GRHL1: variants seen among roughly 807,000 people sequenced by gnomAD.
GRHL1 encodes grainyhead like transcription factor 1, also known as grainyhead-like protein 1 homolog.
Under a neutral mutation model 75.7 loss-of-function variants are expected in GRHL1, and 38 were observed. The observed-to-expected ratio is 0.50, with a 90% CI of 0.39 to 0.66. The LOEUF (loss-of-function observed/expected upper bound fraction) is 0.66, where lower values mean the gene tolerates loss of function less well. Among genes scored for constraint, GRHL1 ranks in the 30% least tolerant of loss-of-function variants. The pLI, the probability that GRHL1 is intolerant of heterozygous loss-of-function variation, is 0.00. For missense variants in GRHL1, 589 were observed against 767.5 expected (o/e 0.77, Z 2.75); for synonymous variants, 266 against 279.4 (o/e 0.95, Z 0.48).
At chr2:9,998,481 C>CGTATATATACGTGTATATACGT (rs1553306830) in intron 14 of GRHL1, among the ~76,000 whole-genome samples, 2 of 3,562 alleles carry the variant, frequency 5.6e-4, no homozygotes, top group Non-Finnish European at 4.6e-4. Flanking sequence ...TATATATATA[C>CGTATATATACGTGTATATACGT]ATATATATAC....
intron 8 of GRHL1, among the ~76,000 whole-genome samples, chr2:9,980,081 T>TG (rs765659086): frequency 3.3e-5 from 5 of 152,160 alleles, no homozygotes; most frequent in Admixed American, 6.5e-5. Context: ...ATAAAATTGA[T>TG]TCTCAGTTAC....
At chr2:9,967,107 G>A (rs1190991060) in intron 8 of GRHL1, among the ~76,000 whole-genome samples, 2 of 152,124 alleles carry the variant, frequency 1.3e-5, no homozygotes, top group African/African-American at 2.4e-5. Context: ...TTTGCCATTG[G>A]GGCCTCACTG....
chr2:9,982,106 G>C (rs1203527984), intron 8 of GRHL1, among the ~76,000 whole-genome samples: 1 of 152,200 alleles, frequency 6.6e-6, no homozygotes, highest in African/African-American at 2.4e-5. Flanking sequence ...CTTTAACCTA[G>C]ATCTTTCTTT....
chr2:9,999,968 T>G (rs1669202316), intron 15 of GRHL1, among the ~76,000 whole-genome samples: 1 of 152,190 alleles, frequency 6.6e-6, no homozygotes, highest in Non-Finnish European at 1.5e-5. Context: ...ATCATGTAAG[T>G]TAGTGTTATT....
chr2:9,997,004 A>G (rs1668891566), intron 14 of GRHL1, among the ~76,000 whole-genome samples: 1 of 152,198 alleles, frequency 6.6e-6, no homozygotes, highest in Non-Finnish European at 1.5e-5. Context: ...GGAAAAACGC[A>G]TGTCATCAGC....
chr2:9,958,936 A>C (rs1667153414), intron 3 of GRHL1, 80 bp downstream of exon 3: 1 of 1,562,786 alleles, frequency 6.4e-7, no homozygotes, highest in Non-Finnish European at 8.7e-7. Context: ...GAGTTTGTTT[A>C]AATGAACAAC....
At chr2:9,978,037 A>C (rs776914000) in intron 8 of GRHL1, among the ~76,000 whole-genome samples, 11 of 152,282 alleles carry the variant, frequency 7.2e-5, no homozygotes, top group Admixed American at 4.6e-4. Context: ...AAACCATCAG[A>C]TCTCATGGGA....
chr2:9,970,280 G>A (rs1667668859), intron 8 of GRHL1, among the ~76,000 whole-genome samples: 1 of 152,228 alleles, frequency 6.6e-6, no homozygotes, highest in Non-Finnish European at 1.5e-5. Flanking sequence ...TTTAAAAATA[G>A]TTAACAGCAA....
At position 9,969,356 on chromosome 2, in the gene GRHL1, C is replaced by G. The variant is rs375036120; in HGVS notation, c.1110+3975C>G. ...GCACCCATAAAAAGCACCCAGTACTCCATGCTATTACGTGCTTGGTGCTTG... is the reference window on the plus strand; with the variant it reads ...GCACCCATAAAAAGCACCCAGTACTGCATGCTATTACGTGCTTGGTGCTTG... On this transcript the variant is annotated intron_variant, in intron 8 of 15. Transcript: ENST00000324907. Among the ~76,000 whole-genome samples the G allele has an allele frequency of 2.4e-4, 37 of 152,314 alleles. No individual in the cohort carries two copies. In the South Asian group the frequency reaches 6.0e-3, roughly 25 times the overall value.
chr2:9,970,312 C>G (rs1667670393), intron 8 of GRHL1, among the ~76,000 whole-genome samples: 2 of 152,196 alleles, frequency 1.3e-5, no homozygotes, highest in South Asian at 4.1e-4. Context: ...CAGACACGTG[C>G]CAAGCTCCTG....
rs1303083272 is a variant in GRHL1 at position 9,990,441 on chromosome 2, G to A, written c.1270-255G>A. ...GCTGGGATTACAGGCATGAGCTACC[G>A]CTTCCGGCCGGAATTTTGCTTTATT... On this transcript the variant is annotated intron_variant, in intron 9 of 15. Coordinates refer to ENST00000324907, the MANE Select transcript of GRHL1 (RefSeq NM_198182.3). The surrounding 1 kb of genome is among the most constrained non-coding windows in gnomAD (Gnocchi z 4.2). Among the ~76,000 whole-genome samples the A allele has an allele frequency of 2.0e-5, 3 of 152,130 alleles. No homozygotes were observed. Among genetic ancestry groups the A allele is most frequent in the Non-Finnish European group, 4.4e-5 (3 of 68,024 alleles).
intron 8 of GRHL1, among the ~76,000 whole-genome samples, chr2:9,977,679 C>T (rs921707558): frequency 3.9e-5 from 6 of 152,186 alleles, no homozygotes; most frequent in Non-Finnish European, 7.3e-5. Flanking sequence ...AGGGAACTTA[C>T]TAACTGCAGT....
intron 8 of GRHL1, among the ~76,000 whole-genome samples, chr2:9,980,667 A>G (rs2011523): frequency 0.24 from 37,189 of 152,038 alleles, 4,745 homozygotes; most frequent in Admixed American, 0.34. Flanking sequence ...TTTTCTCTCA[A>G]AATAATTGGG....
intron 14 of GRHL1, among the ~76,000 whole-genome samples, chr2:9,997,225 T>C (rs1368098311): frequency 6.6e-6 from 1 of 152,162 alleles, no homozygotes; most frequent in African/African-American, 2.4e-5. Flanking sequence ...GACACAGTGC[T>C]GAATGGAGTT....
chr2:9,960,547 T>G (rs1266335957), intron 3 of GRHL1: 1 of 152,912 alleles, frequency 6.5e-6, no homozygotes, highest in Non-Finnish European at 1.5e-5. Flanking sequence ...AGACTGTGTG[T>G]CAGGCATTAT....
At chr2:9,993,317 A>G in intron 12 of GRHL1, 73 bp downstream of exon 12, 2 of 1,243,912 alleles carry the variant, frequency 1.6e-6, no homozygotes, top group Non-Finnish European at 2.4e-6. Context: ...AACTGCAAGT[A>G]CAGTACAAAG....
At chr2:9,999,058 C>T (rs1337595323) in intron 15 of GRHL1, 29 bp downstream of exon 15, 9 of 1,321,828 alleles carry the variant, frequency 6.8e-6, no homozygotes, top group East Asian at 2.5e-5. Flanking sequence ...CTGTGTACCT[C>T]GGAAAGTGCT....
chr2:9,988,783 C>G (rs1044684701), intron 9 of GRHL1, among the ~76,000 whole-genome samples: 5 of 152,188 alleles, frequency 3.3e-5, no homozygotes, highest in African/African-American at 1.2e-4. Flanking sequence ...CCTTCTCGTT[C>G]TTGTTTCTGC....
rs937717498 is a variant in GRHL1 at position 9,963,997 on chromosome 2, G to A, written c.858G>A (p.Glu286=). 5 of 1,613,840 alleles carry A rather than the reference G, an allele frequency of 3.1e-6. No individual in the cohort carries two copies. Among genetic ancestry groups the A allele is most frequent in the Non-Finnish European group, 3.4e-6 (4 of 1,179,792 alleles). ...KGQFYPITLK[E]VSSSEGIHHP... ...AGTTCTATCCCATCACCTTGAAGGA[G>A]GTGAGCAGCAGTGAAGGAATCCATC... The change falls in exon 6 of 16, where the codon GAG becomes GAA. Residue 286 remains glutamate, a synonymous_variant. Coordinates refer to ENST00000324907, the MANE Select transcript of GRHL1 (RefSeq NM_198182.3).
Sources: allele counts gnomAD v4.1 joint callset (sites outside exome capture counted in the v4.1 genomes callset), GRCh38; gene constraint gnomAD v4.1.1; non-coding constraint Gnocchi (gnomAD v3.1); transcripts MANE v1.5; gene names NCBI Gene and HGNC (gene_info 2026-07-23, HGNC 2026-07-21).